UBP1: variants seen among roughly 807,000 people sequenced by gnomAD.
The protein encoded by UBP1 is upstream binding protein 1.
A neutral mutation model predicts 76.1 loss-of-function variants in UBP1; 22 were observed. That is an observed-to-expected ratio of 0.29 (90% CI 0.21 to 0.41). The LOEUF (loss-of-function observed/expected upper bound fraction) is 0.41. Among genes scored for constraint, UBP1 ranks in the 10% least tolerant of loss-of-function variants. The probability of loss-of-function intolerance (pLI) is 1.00; values close to 1 mark genes in which losing one functional copy is unlikely to be tolerated. For synonymous variants in UBP1, 224 were observed against 237.1 expected (o/e 0.94, Z 0.51); for missense variants, 436 against 668.1 (o/e 0.65, Z 3.83).
Position 33,439,966 on chromosome 3 carries a change from G to T in UBP1, c.-118C>A. On this transcript the variant is annotated 5_prime_UTR_variant, in exon 1 of 16. Transcript: ENST00000283629. The stretch of plus-strand genomic sequence containing the variant: ...GGTGAAGCCTCCGGAGGGGCGGCGA[G>T]TGGTCACCAGCGGCGGCCGGGACGA... 1 of 1,089,086 alleles carries T rather than the reference G, an allele frequency of 9.2e-7. No individual in the cohort carries two copies. Among genetic ancestry groups the T allele is most frequent in the Non-Finnish European group, 1.3e-6 (1 of 777,258 alleles). The allele number at this position is 1,089,086 out of a possible 1,614,324, so 67.5% of individuals were successfully genotyped here. A position where few individuals can be genotyped will look rare whatever the true frequency, so the allele number is the denominator to read the frequency against.
chr3:33,404,090 G>C (rs780343760), intron 8 of UBP1, among the ~76,000 whole-genome samples: 4 of 152,102 alleles, frequency 2.6e-5, no homozygotes, highest in Non-Finnish European at 5.9e-5. Flanking sequence ...GTGAGACCCT[G>C]TTTCTACCAA....
At chr3:33,418,478 T>G (rs1379563709) in intron 2 of UBP1, among the ~76,000 whole-genome samples, 1 of 151,940 alleles carries the variant, frequency 6.6e-6, no homozygotes, top group African/African-American at 2.4e-5. Flanking sequence ...AGGCAAGTCT[T>G]GAACTCCTGA....
At chr3:33,395,750 G>GAAAAAAAAAAAA (rs61654235) in intron 13 of UBP1, among the ~76,000 whole-genome samples, 24 of 69,762 alleles carry the variant, frequency 3.4e-4, no homozygotes, top group South Asian at 5.3e-4. Flanking sequence ...CAGGAAAATT[G>GAAAAAAAAAAAA]AAAAAAAAAA....
At chr3:33,433,654 CA>C (rs113114874) in intron 1 of UBP1, among the ~76,000 whole-genome samples, 17 of 139,662 alleles carry the variant, frequency 1.2e-4, no homozygotes, top group South Asian at 7.5e-4. Context: ...CTCCACATCT[CA>C]AAAAAAAAAG....
At chr3:33,419,756 T>G (rs979626479) in intron 2 of UBP1, among the ~76,000 whole-genome samples, 3 of 152,188 alleles carry the variant, frequency 2.0e-5, no homozygotes, top group African/African-American at 7.2e-5. Flanking sequence ...ACCAGACTTT[T>G]AGAAATTTCC....
At chr3:33,433,368 A>T (rs781018308) in intron 1 of UBP1, among the ~76,000 whole-genome samples, 33,070 of 121,226 alleles carry the variant, frequency 0.27, 4,587 homozygotes, top group East Asian at 0.53. Context: ...CAGCCTTTAA[A>T]AAAAAAAAAA....
At chr3:33,393,291 A>G in intron 14 of UBP1, 21 bp downstream of exon 14, 2 of 1,586,062 alleles carry the variant, frequency 1.3e-6, no homozygotes, top group Non-Finnish European at 1.7e-6. Flanking sequence ...CTGAAAAGGA[A>G]AAACAAATGA....
chr3:33,404,138 C>T (rs952006363), intron 8 of UBP1, among the ~76,000 whole-genome samples: 5 of 152,124 alleles, frequency 3.3e-5, no homozygotes, highest in African/African-American at 7.2e-5. Flanking sequence ...TGAGGCCGGG[C>T]GCGGTGGCTC....
chr3:33,400,015 T>G (rs2044161253), intron 11 of UBP1, among the ~76,000 whole-genome samples, 174 bp downstream of exon 11: 1 of 152,214 alleles, frequency 6.6e-6, no homozygotes. Flanking sequence ...TAGCATATAA[T>G]AAAAATACAA....
Position 33,390,305 on chromosome 3 carries a change from G to T in UBP1, c.*26C>A. 1 of 1,610,226 alleles carries T rather than the reference G, an allele frequency of 6.2e-7. No homozygotes were observed. The highest frequency in any genetic ancestry group is 8.5e-7 in the Non-Finnish European group (1 of 1,176,836). On this transcript the variant is annotated 3_prime_UTR_variant, in exon 16 of 16. Coordinates refer to ENST00000283629, the MANE Select transcript of UBP1 (RefSeq NM_014517.5). ...CTTTTAAGCGTGACTATTTGGTACT[G>T]AATACAGTTCAGTCTATATAAGACA...
At chr3:33,439,583 C>T (rs1300781138) in intron 1 of UBP1, among the ~76,000 whole-genome samples, 153 bp downstream of exon 1, 2 of 152,250 alleles carry the variant, frequency 1.3e-5, no homozygotes, top group Non-Finnish European at 2.9e-5. Context: ...CTTTGGGGTT[C>T]CATGGCCCCC....
chr3:33,409,263 C>T lies in UBP1; in HGVS notation c.792G>A (p.Pro264=), dbSNP rs750829726. 46 of 1,613,928 alleles carry T rather than the reference C, an allele frequency of 2.9e-5. No individual in the cohort carries two copies. In the East Asian group the frequency reaches 5.6e-4, roughly 20 times the overall value. ...CTGTGAGGATTGTGGTATCATAGGA[C>T]GGCTGATACTTTTCTTTTTCATGAG... The part of the protein sequence containing the change: ...RTAHEKEKYQ[P]SYDTTILTEM... The change falls in exon 7 of 16, where the codon CCG becomes CCA. Residue 264 remains proline, a synonymous_variant. Coordinates refer to ENST00000283629, the MANE Select transcript of UBP1 (RefSeq NM_014517.5).
At chr3:33,426,601 C>G (rs1386646549) in intron 1 of UBP1, among the ~76,000 whole-genome samples, 1 of 152,142 alleles carries the variant, frequency 6.6e-6, no homozygotes, top group African/African-American at 2.4e-5. Flanking sequence ...TATCCCAGAC[C>G]CACTCAGCCC....
At chr3:33,424,139 C>T (rs2044969256) in intron 2 of UBP1, among the ~76,000 whole-genome samples, 1 of 152,108 alleles carries the variant, frequency 6.6e-6, no homozygotes, top group African/African-American at 2.4e-5. Flanking sequence ...ATTGTTTCTT[C>T]TGTTATTTTT....
intron 11 of UBP1, among the ~76,000 whole-genome samples, chr3:33,399,091 A>C (rs2044122959): frequency 1.3e-5 from 2 of 152,266 alleles, no homozygotes; most frequent in Admixed American, 1.3e-4. Flanking sequence ...GTGTGTGCAC[A>C]CACAAGTTCT....
At chr3:33,432,155 T>C (rs1386132017) in intron 1 of UBP1, among the ~76,000 whole-genome samples, 4 of 151,968 alleles carry the variant, frequency 2.6e-5, no homozygotes, top group Non-Finnish European at 2.9e-5. Flanking sequence ...ACCCCGTCTC[T>C]ACAAAAAATA....
At chr3:33,396,306 A>AG (rs1443850245) in intron 12 of UBP1, 26 bp from the exon 13 acceptor site, 3 of 1,531,608 alleles carry the variant, frequency 2.0e-6, no homozygotes, top group African/African-American at 2.7e-5. Context: ...GCCACTGATG[A>AG]GCCTGGGAGA....
Position 33,408,712 on chromosome 3 carries a change from T to A in UBP1, c.905A>T (p.Asp302Val). The A allele has an allele frequency of 6.2e-7, 1 of 1,613,818 alleles. No individual in the cohort carries two copies. The highest frequency in any genetic ancestry group is 8.5e-7 in the Non-Finnish European group (1 of 1,179,862). Residue 302 changes from aspartate (D) to valine (V), a missense_variant, in exon 8 of 16, where the codon GAT (aspartate) becomes GTT (valine). By Grantham distance (152) the Asp-to-Val change is radical (BLOSUM62 -3). Coordinates refer to ENST00000283629, the MANE Select transcript of UBP1 (RefSeq NM_014517.5). ...TACACTGCCTCGCTTTGCCAGAGAATCACCGTAGTCTGCTGGCAAAGTCCG... is the reference window on the plus strand; with the variant it reads ...TACACTGCCTCGCTTTGCCAGAGAAACACCGTAGTCTGCTGGCAAAGTCCG... ...SKRTLPADYGDSLAKRGSCSP... is the reference protein window; with the variant it reads ...SKRTLPADYGVSLAKRGSCSP...
chr3:33,402,242 C>G (rs2044256567), intron 9 of UBP1, among the ~76,000 whole-genome samples: 1 of 152,194 alleles, frequency 6.6e-6, no homozygotes, highest in Non-Finnish European at 1.5e-5. Flanking sequence ...GTCTCTTGCT[C>G]CCACCCTGAG....
Sources: allele counts gnomAD v4.1 joint callset (sites outside exome capture counted in the v4.1 genomes callset), GRCh38; gene constraint gnomAD v4.1.1; transcripts MANE v1.5; gene names NCBI Gene and HGNC (gene_info 2026-07-23, HGNC 2026-07-21).